ADAMTS18: variants seen among roughly 807,000 people sequenced by gnomAD.
The protein encoded by ADAMTS18 is ADAM metallopeptidase with thrombospondin type 1 motif 18.
A neutral mutation model predicts 165.9 loss-of-function variants in ADAMTS18; 157 were observed. The observed-to-expected ratio is 0.95, with a 90% CI of 0.83 to 1.08. ADAMTS18 has a LOEUF of 1.08. Ranked by LOEUF, ADAMTS18 falls within the 50% of genes least tolerant of loss-of-function variation. The pLI is 0.00. For synonymous variants in ADAMTS18, 782 were observed against 578.2 expected, an observed-to-expected ratio of 1.35 and a Z score of -5.06; for missense variants, 2,040 against 1,534.0, an observed-to-expected ratio of 1.33 and a Z score of -5.51.
chr16:77,329,800 T>C (rs1170399114), intron 12 of ADAMTS18, among the ~76,000 whole-genome samples: 4 of 152,156 alleles, frequency 2.6e-5, no homozygotes, highest in South Asian at 2.1e-4. Context: ...TATCATGATA[T>C]GTCTTGGTGT....
rs559234155 is a variant in ADAMTS18, at chr16:77,317,829, T to C, written c.2532+2020A>G. Among the ~76,000 whole-genome samples the C allele has an allele frequency of 1.1e-4, 16 of 152,274 alleles. No individual in the cohort carries two copies. The South Asian group carries it at 3.3e-3, about 32-fold the overall frequency. ...GGTAGCACGGTATTTGTTCAAAGAA[T>C]TATCCAGGCCCGCTGTGCATGGAAC... On this transcript the variant is annotated intron_variant, in intron 16 of 22. Coordinates refer to ENST00000282849, the MANE Select transcript of ADAMTS18 (RefSeq NM_199355.4).
chr16:77,357,461 C>T (rs952389811), intron 8 of ADAMTS18, among the ~76,000 whole-genome samples: 2 of 152,232 alleles, frequency 1.3e-5, no homozygotes, highest in East Asian at 1.9e-4. Flanking sequence ...CTAACCAAGA[C>T]GTTAAGGGGA....
rs776469924 is a variant in ADAMTS18, at chr16:77,297,386, G to A, written c.2704C>T (p.Arg902Ter). 6 of 1,613,264 alleles carry A rather than the reference G, an allele frequency of 3.7e-6. No homozygotes were observed. The highest frequency in any genetic ancestry group is 1.7e-5 in the Admixed American group (1 of 60,018). Residue 902 changes from arginine to a stop codon, truncating the protein, a stop_gained, in exon 18 of 23, where the codon CGA becomes TGA. Transcript: ENST00000282849. LOFTEE classifies it high-confidence loss of function. ...GYINVKAICL[R>*]DQNTQVNSSF... ...GAATTGACTTGAGTATTTTGATCTC[G>A]CAAGCAAATGGCCTTTACATTTATG...
At chr16:77,356,359 A>G (rs11862709) in intron 8 of ADAMTS18, among the ~76,000 whole-genome samples, 63 of 152,326 alleles carry the variant, frequency 4.1e-4, no homozygotes, top group Middle Eastern at 3.4e-3. Context: ...GCTCAAGTTA[A>G]AATTTAGGTA....
Position 77,417,105 on chromosome 16 carries a change from G to T in ADAMTS18, c.495+14190C>A, listed in dbSNP as rs573283898. Among the ~76,000 whole-genome samples, 13 of 151,982 alleles carry T rather than the reference G, an allele frequency of 8.6e-5. No individual in the cohort carries two copies. The South Asian group carries it at 2.5e-3, about 29-fold the overall frequency. On this transcript the variant is annotated intron_variant, in intron 3 of 22. Coordinates refer to ENST00000282849, the MANE Select transcript of ADAMTS18 (RefSeq NM_199355.4). ...CCTTAACTGTAATATTAATTTTGTTGCAGCATCCTTATGACATCATTACTG... is the reference window on the plus strand; with the variant it reads ...CCTTAACTGTAATATTAATTTTGTTTCAGCATCCTTATGACATCATTACTG...
intron 19 of ADAMTS18, among the ~76,000 whole-genome samples, chr16:77,293,520 T>A (rs17769748): frequency 0.11 from 16,288 of 151,794 alleles, 1,204 homozygotes; most frequent in Admixed American, 0.22. Context: ...ATGTACTATT[T>A]AGATTTACCC....
At chr16:77,292,948 T>C (rs1004248563) in intron 20 of ADAMTS18, 128 bp downstream of exon 20, 5 of 1,110,370 alleles carry the variant, frequency 4.5e-6, no homozygotes, top group South Asian at 4.2e-5. Flanking sequence ...GCCTCCCCAG[T>C]AGATCAGACT....
chr16:77,411,079 T>G (rs556043885), intron 3 of ADAMTS18, among the ~76,000 whole-genome samples: 2 of 152,338 alleles, frequency 1.3e-5, no homozygotes, highest in African/African-American at 4.8e-5. Context: ...TTTTAGGTGA[T>G]GAGTGGAACA....
intron 10 of ADAMTS18, among the ~76,000 whole-genome samples, chr16:77,347,232 T>TA (rs1468118360): frequency 6.6e-6 from 1 of 152,232 alleles, no homozygotes; most frequent in Non-Finnish European, 1.5e-5. Flanking sequence ...GTCTTTGGCT[T>TA]CTATGAATCA....
chr16:77,308,868 A>AAC (rs910039253), intron 16 of ADAMTS18, among the ~76,000 whole-genome samples: 9 of 152,160 alleles, frequency 5.9e-5, no homozygotes, highest in African/African-American at 1.9e-4. Context: ...AATTTCTTAC[A>AAC]ACACACACAC....
At chr16:77,382,262 G>C (rs1342068376) in intron 3 of ADAMTS18, among the ~76,000 whole-genome samples, 3 of 152,166 alleles carry the variant, frequency 2.0e-5, no homozygotes, top group South Asian at 2.1e-4. Flanking sequence ...CCAGGCTGGA[G>C]TGCAGTGGCG....
chr16:77,383,540 C>G (rs540775876), intron 3 of ADAMTS18, among the ~76,000 whole-genome samples: 29 of 141,098 alleles, frequency 2.1e-4, no homozygotes, highest in African/African-American at 7.1e-4. Flanking sequence ...CAAAGGCGAC[C>G]TCTTTTTTGT....
At chr16:77,396,171 A>G (rs567848190) in intron 3 of ADAMTS18, among the ~76,000 whole-genome samples, 7 of 152,206 alleles carry the variant, frequency 4.6e-5, no homozygotes, top group Admixed American at 1.3e-4. Flanking sequence ...ATAACTGCCT[A>G]TCATACTCCA....
intron 3 of ADAMTS18, among the ~76,000 whole-genome samples, chr16:77,381,920 G>A (rs994839441): frequency 6.6e-6 from 1 of 152,184 alleles, no homozygotes; most frequent in African/African-American, 2.4e-5. Flanking sequence ...CATGGATCCA[G>A]ACATACCTGG....
chr16:77,359,409 T>C lies in ADAMTS18; in HGVS notation c.1231A>G (p.Ser411Gly). The change falls in exon 8 of 23, where the codon AGT becomes GGT. Residue 411 changes from serine (S) to glycine (G), a missense_variant. Coordinates refer to ENST00000282849, the MANE Select transcript of ADAMTS18 (RefSeq NM_199355.4). The part of the protein sequence containing the change: ...PCDTLGFAPI[S>G]GMCSKYRSCT... ...CTTCGGTACTTAGAGCACATTCCAC[T>C]GATGGGGGCAAACCCTATTGAAAGA... 6.2e-7 allele frequency: 1 copy of C among 1,613,834 alleles called. No individual in the cohort carries two copies. Among genetic ancestry groups the C allele is most frequent in the East Asian group, 2.2e-5 (1 of 44,882 alleles).
At chr16:77,363,481 A>C (rs1413142036) in intron 6 of ADAMTS18, among the ~76,000 whole-genome samples, 1 of 151,970 alleles carries the variant, frequency 6.6e-6, no homozygotes, top group Non-Finnish European at 1.5e-5. Flanking sequence ...CGAAGCCTAC[A>C]TAAGATTTAT....
intron 3 of ADAMTS18, among the ~76,000 whole-genome samples, chr16:77,403,965 C>T (rs2057362634): frequency 2.0e-5 from 3 of 152,024 alleles, no homozygotes; most frequent in South Asian, 2.1e-4. Flanking sequence ...ATCTGAATGA[C>T]AATTGGAGTT....
Position 77,291,754 on chromosome 16 carries a change from T to A in ADAMTS18, c.3190-276A>T, listed in dbSNP as rs76178270. On this transcript the variant is annotated intron_variant, in intron 20 of 22. Coordinates refer to ENST00000282849, the MANE Select transcript of ADAMTS18 (RefSeq NM_199355.4). ...AAAAAAGGAACCTTGGGATGCCACA[T>A]GGGTGTGAGATGGAGTCCAGGAGAA... is the stretch of plus-strand genomic sequence containing the variant. 3.7e-3 allele frequency among the ~76,000 whole-genome samples: 556 copies of A among 152,252 alleles called. 5 individuals are homozygous for A. The highest frequency in any genetic ancestry group is 0.013 in the African/African-American group (524 of 41,548).
chr16:77,366,376 AG>A lies in ADAMTS18; in HGVS notation c.778+1064del, dbSNP rs1310592220. Among the ~76,000 whole-genome samples, 10 of 152,122 alleles carry A rather than the reference AG, an allele frequency of 6.6e-5. No homozygotes were observed. In the South Asian group the frequency reaches 1.2e-3, roughly 19 times the overall value. On this transcript the variant is annotated intron_variant, in intron 4 of 22. Transcript: ENST00000282849. ...AGTTTGAGACCAGCCTGGCCAACAC[AG>A]GGAAACCCCATCTCTACTAAAAATA...
Sources: allele counts gnomAD v4.1 joint callset (sites outside exome capture counted in the v4.1 genomes callset), GRCh38; gene constraint gnomAD v4.1.1; transcripts MANE v1.5; gene names NCBI Gene and HGNC (gene_info 2026-07-23, HGNC 2026-07-21).